The following EVC2 variants were observed in gnomAD, a reference collection of about 807,000 sequenced individuals.
EVC2 encodes the protein limbin.
Under a neutral mutation model 149.3 loss-of-function variants are expected in EVC2, and 148 were observed. The observed-to-expected ratio is 0.99, with a 90% CI of 0.87 to 1.14. The LOEUF (loss-of-function observed/expected upper bound fraction) is 1.14, where lower values mean the gene tolerates loss of function less well. Ranked by LOEUF, EVC2 falls within the 50% of genes most tolerant of loss-of-function variation. The pLI, the probability that EVC2 is intolerant of heterozygous loss-of-function variation, is 0.00. For synonymous variants in EVC2, 776 were observed against 649.9 expected (o/e 1.19, Z -2.95); for missense variants, 1,854 against 1,627.3 (o/e 1.14, Z -2.40).
chr4:5,657,365 T>C lies in EVC2; in HGVS notation c.1145+5742A>G, dbSNP rs1046952678. ...ACAGACTCTGCCATCCTTCCTACCA[T>C]GACAGATGATGGCCCAACTCCTCTC... On this transcript the variant is annotated intron_variant, in intron 9 of 21. Transcript: ENST00000344408. The surrounding 1 kb of genome is among the most constrained non-coding windows in gnomAD (Gnocchi z 4.7). 2.6e-5 allele frequency among the ~76,000 whole-genome samples: 4 copies of C among 152,004 alleles called. No homozygotes were observed. The highest frequency in any genetic ancestry group is 2.1e-4 in the South Asian group (1 of 4,822).
intron 7 of EVC2, among the ~76,000 whole-genome samples, chr4:5,673,658 C>A (rs1204233345): frequency 1.3e-5 from 2 of 152,174 alleles, no homozygotes; most frequent in African/African-American, 2.4e-5. Flanking sequence ...GGAGCAGATG[C>A]CTTTGATGCA....
At chr4:5,631,674 G>T in intron 11 of EVC2, 119 bp downstream of exon 11, 1 of 1,374,348 alleles carries the variant, frequency 7.3e-7, no homozygotes, top group South Asian at 1.4e-5. Context: ...AGAGATAGAA[G>T]AGAAAGCTCA....
intron 7 of EVC2, 42 bp from the exon 8 acceptor site, chr4:5,665,691 C>T (rs774648150): frequency 1.2e-6 from 2 of 1,608,838 alleles, no homozygotes; most frequent in African/African-American, 1.3e-5. Flanking sequence ...TGTGGTCAGA[C>T]AGCATGTCTC....
intron 11 of EVC2, among the ~76,000 whole-genome samples, chr4:5,630,396 G>C (rs1190663998): frequency 6.6e-6 from 1 of 152,136 alleles, no homozygotes; most frequent in Non-Finnish European, 1.5e-5. Context: ...ACCTCCTCTG[G>C]ACTTCATCTT....
intron 9 of EVC2, among the ~76,000 whole-genome samples, chr4:5,651,113 C>T (rs73794698): frequency 0.029 from 4,329 of 151,736 alleles, 201 homozygotes; most frequent in African/African-American, 0.1. Context: ...AATGGATAGA[C>T]GACAGACGGA....
At chr4:5,643,008 C>G (rs987544993) in intron 9 of EVC2, among the ~76,000 whole-genome samples, 10 of 152,308 alleles carry the variant, frequency 6.6e-5, no homozygotes, top group African/African-American at 2.2e-4. Flanking sequence ...ACAGACCGAT[C>G]AACAGACAGA....
chr4:5,535,454 C>T, the EVC2 span, among the ~76,000 whole-genome samples: 1 of 152,062 alleles, frequency 6.6e-6, no homozygotes, highest in Non-Finnish European at 1.5e-5. The surrounding 1 kb of genome is among the most constrained non-coding windows in gnomAD (Gnocchi z 4.7). Context: ...TTTAGGGAGG[C>T]ACATATGGTC....
chr4:5,574,321 G>C (rs774204428), intron 19 of EVC2, among the ~76,000 whole-genome samples: 3 of 152,202 alleles, frequency 2.0e-5, no homozygotes, highest in Non-Finnish European at 1.5e-5. Context: ...GTGGGGTGCA[G>C]TATCACTGAT....
chr4:5,560,243 A>G (rs1721912866), downstream of EVC2, among the ~76,000 whole-genome samples: 1 of 152,100 alleles, frequency 6.6e-6, no homozygotes, highest in Non-Finnish European at 1.5e-5. This position sits in a 1 kb window ranked among gnomAD's most constrained non-coding sequence, Gnocchi z 4.1. Flanking sequence ...CAGCCCTTCA[A>G]GAAAACAGCC....
In EVC2 at chr4:5,696,740, G is replaced by T. The variant is rs899478877; in HGVS notation, c.283+853C>A. Among the ~76,000 whole-genome samples, 4 of 152,180 alleles carry T rather than the reference G, an allele frequency of 2.6e-5. No homozygotes were observed. Among genetic ancestry groups the T allele is most frequent in the Admixed American group, 6.5e-5 (1 of 15,278 alleles). ...GGTCCAGCAGTGCCAGGGCCTGTGC[G>T]TTTCAGTTACAGATGCCAATGAATT... On this transcript the variant is annotated intron_variant, in intron 2 of 21. Transcript: ENST00000344408. The surrounding 1 kb of genome is among the most constrained non-coding windows in gnomAD (Gnocchi z 4.1).
Position 5,685,403 on chromosome 4 carries a change from A to G in EVC2, c.783T>C (p.Leu261=). ...GDLGNGESLK[L]PAQLTFQSSS... ...AGCTCTGAAAGGTGAGTTGGGCAGG[A>G]AGCTTGAGGCTCTCCCCGTTCCCGA... The change falls in exon 6 of 22, where the codon CTT becomes CTC. Residue 261 remains leucine, a synonymous_variant. Coordinates refer to ENST00000344408, the MANE Select transcript of EVC2 (RefSeq NM_147127.5). 1 of 1,614,228 alleles carries G rather than the reference A, an allele frequency of 6.2e-7. No individual in the cohort carries two copies.
intron 10 of EVC2, among the ~76,000 whole-genome samples, chr4:5,639,974 A>C (rs2108862716): frequency 6.6e-6 from 1 of 152,344 alleles, no homozygotes; most frequent in South Asian, 2.1e-4. Context: ...GACAGTAAGT[A>C]ATCAACACAT....
intron 1 of EVC2, among the ~76,000 whole-genome samples, chr4:5,697,953 AT>A (rs938206789): frequency 6.6e-6 from 1 of 151,862 alleles, no homozygotes; most frequent in African/African-American, 2.4e-5. Context: ...GGGTTTCACC[AT>A]ATTAGTCAGG....
rs1352979058 is a variant in EVC2, at chr4:5,584,857, G to T, written c.2830-7C>A. On this transcript the variant is annotated splice_polypyrimidine_tract_variant and splice_region_variant and intron_variant, in intron 16 of 21. Coordinates refer to ENST00000344408, the MANE Select transcript of EVC2 (RefSeq NM_147127.5). ...GCAGCAATTCACCTCGAACCTGGGA[G>T]GGGACAGGGATGGACCCAAACCCAG... 3.1e-6 allele frequency: 5 copies of T among 1,614,142 alleles called. No homozygotes were observed. The highest frequency in any genetic ancestry group is 4.2e-6 in the Non-Finnish European group (5 of 1,180,022).
intron 12 of EVC2, among the ~76,000 whole-genome samples, chr4:5,627,774 A>G (rs6810947): frequency 0.32 from 48,453 of 151,804 alleles, 8,423 homozygotes; most frequent in East Asian, 0.61. Flanking sequence ...TTTGGAATCC[A>G]AGACAACCAT....
Position 5,697,666 on chromosome 4 carries a change from A to G in EVC2, c.229-19T>C. 6.2e-7 allele frequency: 1 copy of G among 1,609,882 alleles called. No homozygotes were observed. The highest frequency in any genetic ancestry group is 2.2e-5 in the East Asian group (1 of 44,864). On this transcript the variant is annotated intron_variant, in intron 1 of 21. Coordinates refer to ENST00000344408, the MANE Select transcript of EVC2 (RefSeq NM_147127.5). ...GCAAGTCCTAAAAAATTCAAGACAC[A>G]AAGTCATTAATGGAACACATACTTC...
upstream of EVC2, chr4:5,708,823 G>A: frequency 3.6e-6 from 1 of 281,130 alleles, no homozygotes; most frequent in Non-Finnish European, 6.6e-6. Context: ...CTCCGCTACC[G>A]CCTACCTGGG....
intron 6 of EVC2, among the ~76,000 whole-genome samples, chr4:5,681,984 C>A (rs1720377978): frequency 6.6e-6 from 1 of 152,134 alleles, no homozygotes; most frequent in South Asian, 2.1e-4. Flanking sequence ...TGCTCACCAG[C>A]AGTTGGACCT....
rs556420259 is a variant in EVC2, at chr4:5,569,126, G to A, written c.3361-486C>T. 3.3e-5 allele frequency among the ~76,000 whole-genome samples: 5 copies of A among 152,316 alleles called. No homozygotes were observed. The highest frequency in any genetic ancestry group is 3.9e-4 in the East Asian group (2 of 5,164). On this transcript the variant is annotated intron_variant, in intron 19 of 21. Coordinates refer to ENST00000344408, the MANE Select transcript of EVC2 (RefSeq NM_147127.5). The surrounding 1 kb of genome is among the most constrained non-coding windows in gnomAD (Gnocchi z 4.8). ...GGAAGGATCCCAGGGGCATTATGCC[G>A]AGTGGAAACAGCCAGTCTCCAAAGG...
Sources: gnomAD v4.1 joint callset for allele counts (sites outside exome capture counted in the v4.1 genomes callset) on GRCh38, gnomAD v4.1.1 for gene constraint, Gnocchi (gnomAD v3.1) non-coding constraint, MANE v1.5 for transcripts, NCBI Gene and HGNC (gene_info 2026-07-23, HGNC 2026-07-21) for gene names.